LNPK: variants seen among roughly 807,000 people sequenced by gnomAD.
LNPK encodes lunapark, ER junction formation factor.
LNPK carries 29 observed loss-of-function variants against 55.2 expected under a neutral mutation model. The observed-to-expected ratio is 0.53, with a 90% CI of 0.39 to 0.72. LNPK has a LOEUF of 0.72. Ranked by LOEUF, LNPK falls within the 30% of genes least tolerant of loss-of-function variation. The pLI is 0.00. For missense variants in LNPK, 467 were observed against 494.8 expected (o/e 0.94, Z 0.53); for synonymous variants, 162 against 168.2 (o/e 0.96, Z 0.29).
intron 8 of LNPK, among the ~76,000 whole-genome samples, chr2:175,955,698 T>G (rs1482001492): frequency 1.3e-5 from 2 of 152,218 alleles, no homozygotes; most frequent in Non-Finnish European, 2.9e-5. Context: ...ATTGCTCCAT[T>G]TGGTATAAAG....
chr2:175,939,680 C>A, intron 9 of LNPK, 23 bp from the exon 10 acceptor site: 3 of 1,167,176 alleles, frequency 2.6e-6, no homozygotes, highest in South Asian at 1.4e-5. Flanking sequence ...TAAATACATA[C>A]AAAATTTATA....
intron 2 of LNPK, among the ~76,000 whole-genome samples, chr2:175,995,330 C>T (rs1358677606): frequency 1.3e-5 from 2 of 152,012 alleles, no homozygotes; most frequent in Non-Finnish European, 2.9e-5. Context: ...AAAAATAATT[C>T]ATACATCCAA....
At chr2:175,957,416 C>G (rs1421139087) in intron 8 of LNPK, among the ~76,000 whole-genome samples, 1 of 151,806 alleles carries the variant, frequency 6.6e-6, no homozygotes, top group Non-Finnish European at 1.5e-5. Flanking sequence ...TTCCCATGTT[C>G]TCAGACTTTC....
At chr2:175,984,409 C>T (rs1687315319) in intron 4 of LNPK, among the ~76,000 whole-genome samples, 1 of 151,994 alleles carries the variant, frequency 6.6e-6, no homozygotes, top group African/African-American at 2.4e-5. Flanking sequence ...CTCCTGACTT[C>T]ATGATCTGCC....
rs1177899197 is a variant in LNPK at position 175,925,455 on chromosome 2, CACAGAAA to C, written c.*4505_*4511del. 1 of 152,126 alleles carries C rather than the reference CACAGAAA, an allele frequency of 6.6e-6. No individual in the cohort carries two copies. The highest frequency in any genetic ancestry group is 2.4e-5 in the African/African-American group (1 of 41,412). 9.4% of individuals were successfully genotyped at this position (152,126 alleles called of 1,614,324 possible). ...ATGAGAAAAGACTGCATATGCAAAA[CACAGAAA>C]ACACTACTATTGTTACTTTTAAAAT... On this transcript the variant is annotated 3_prime_UTR_variant, in exon 13 of 13. Coordinates refer to ENST00000272748, the MANE Select transcript of LNPK (RefSeq NM_030650.3).
At chr2:175,997,032 T>A (rs569891166) in intron 1 of LNPK, among the ~76,000 whole-genome samples, 1 of 152,280 alleles carries the variant, frequency 6.6e-6, no homozygotes, top group African/African-American at 2.4e-5. Context: ...AAACACAAAA[T>A]AATACCAGTA....
intron 4 of LNPK, among the ~76,000 whole-genome samples, chr2:175,990,117 G>A (rs753448200): frequency 1.3e-5 from 2 of 152,142 alleles, no homozygotes; most frequent in Non-Finnish European, 2.9e-5. Context: ...CCTCAAAACT[G>A]TTTGCTATAA....
intron 1 of LNPK, among the ~76,000 whole-genome samples, chr2:175,998,530 A>G (rs528365798): frequency 4.6e-5 from 7 of 152,232 alleles, no homozygotes. Context: ...TTTTTTAAGC[A>G]CCCAGTTATT....
intron 12 of LNPK, among the ~76,000 whole-genome samples, chr2:175,934,750 A>G (rs1189606578): frequency 6.6e-6 from 1 of 151,756 alleles, no homozygotes; most frequent in East Asian, 1.9e-4. Context: ...AGGAACCTAA[A>G]AGCAGTTCAT....
At chr2:176,001,893 C>A (rs1688176618) in intron 1 of LNPK, among the ~76,000 whole-genome samples, 1 of 152,176 alleles carries the variant, frequency 6.6e-6, no homozygotes, top group African/African-American at 2.4e-5. Context: ...ACTACCAGCC[C>A]TAGAGGGGAA....
At chr2:175,949,767 G>C (rs1034604808) in intron 8 of LNPK, among the ~76,000 whole-genome samples, 5 of 151,942 alleles carry the variant, frequency 3.3e-5, no homozygotes, top group African/African-American at 4.8e-5. Context: ...GTTACAAAAG[G>C]GAGAAAATGT....
At position 175,929,976 on chromosome 2, in the gene LNPK, C is replaced by A; in HGVS notation, c.1278G>T (p.Thr426=). ...CACGTGGAAGCATTTACTACTCTGC[C>A]GTCAAAGATTCTCCACTTAGTTCAG... ...PDPELSGESL[T]AE Residue 426 remains threonine (T), a synonymous_variant, in exon 13 of 13, where the codon ACG becomes ACT. Coordinates refer to ENST00000272748, the MANE Select transcript of LNPK (RefSeq NM_030650.3). 1 of 1,613,828 alleles carries A rather than the reference C, an allele frequency of 6.2e-7. No homozygotes were observed. The highest frequency in any genetic ancestry group is 2.2e-5 in the East Asian group (1 of 44,862).
At chr2:175,978,588 C>T (rs1020412390) in intron 5 of LNPK, among the ~76,000 whole-genome samples, 3 of 152,012 alleles carry the variant, frequency 2.0e-5, no homozygotes, top group Non-Finnish European at 4.4e-5. Context: ...ACAAACATCA[C>T]GCTGACAGAG....
intron 6 of LNPK, among the ~76,000 whole-genome samples, chr2:175,967,223 T>C (rs1686409047): frequency 6.6e-6 from 1 of 152,190 alleles, no homozygotes; most frequent in Non-Finnish European, 1.5e-5. Context: ...CATTTTTCTG[T>C]AATACGGTTG....
intron 9 of LNPK, among the ~76,000 whole-genome samples, chr2:175,946,627 C>T (rs1017608852): frequency 1.3e-5 from 2 of 152,038 alleles, no homozygotes; most frequent in African/African-American, 4.8e-5. Flanking sequence ...GATTTTACTA[C>T]ACAAATACTC....
rs756966362 is a variant in LNPK, at chr2:175,929,991, A to G, written c.1263T>C (p.Ser421=). 1.2e-6 allele frequency: 2 copies of G among 1,613,972 alleles called. No individual in the cohort carries two copies. Among genetic ancestry groups the G allele is most frequent in the Non-Finnish European group, 1.7e-6 (2 of 1,179,916 alleles). The change falls in exon 13 of 13, where the codon AGT becomes AGC. Residue 421 remains serine, a synonymous_variant. Transcript: ENST00000272748. ...ACTACTCTGCCGTCAAAGATTCTCC[A>G]CTTAGTTCAGGATCAGGAATAGAAT... ...GADSIPDPEL[S]GESLTAE
At chr2:175,939,824 A>G (rs1451235377) in intron 9 of LNPK, 167 bp from the exon 10 acceptor site, 1 of 508,692 alleles carries the variant, frequency 2.0e-6, no homozygotes, top group Non-Finnish European at 3.5e-6. Context: ...ATTTTCATTA[A>G]AAATACTGTA....
intron 8 of LNPK, among the ~76,000 whole-genome samples, chr2:175,951,584 C>CATAT (rs56037027): frequency 0.028 from 2,495 of 90,616 alleles, 266 homozygotes; most frequent in African/African-American, 0.075. Context: ...TTCCATCATT[C>CATAT]ATATATATAT....
intron 8 of LNPK, among the ~76,000 whole-genome samples, chr2:175,953,081 C>A (rs984435321): frequency 6.6e-6 from 1 of 151,932 alleles, no homozygotes; most frequent in African/African-American, 2.4e-5. Context: ...ACAAAAATGC[C>A]CATATTCTCT....
Sources: allele counts gnomAD v4.1 joint callset (sites outside exome capture counted in the v4.1 genomes callset), GRCh38; gene constraint gnomAD v4.1.1; transcripts MANE v1.5; gene names NCBI Gene and HGNC (gene_info 2026-07-23, HGNC 2026-07-21).